Variants in OR4N2 observed in about 807,000 individuals in gnomAD.
OR4N2 encodes olfactory receptor family 4 subfamily N member 2, also known as olfactory receptor 4N2.
For missense variants in OR4N2, 307 were observed against 377.6 expected, an observed-to-expected ratio of 0.81 and a Z score of 1.55; for synonymous variants, 141 against 140.4, an observed-to-expected ratio of 1.00 and a Z score of -0.03.
intron 1 of OR4N2, among the ~76,000 whole-genome samples, chr14:19,812,108 C>A (rs1254231558): frequency 1.3e-5 from 2 of 152,124 alleles, no homozygotes; most frequent in Non-Finnish European, 2.9e-5. Context: ...CATTTAAAAA[C>A]CAAATCTTGG....
intron 1 of OR4N2, among the ~76,000 whole-genome samples, chr14:19,816,448 C>A (rs1356161078): frequency 2.0e-5 from 3 of 152,256 alleles, no homozygotes; most frequent in South Asian, 2.1e-4. Context: ...GTATTTTATT[C>A]TCTTTGTAGC....
intron 1 of OR4N2, among the ~76,000 whole-genome samples, chr14:19,826,321 T>C (rs1879698131): frequency 6.6e-6 from 1 of 152,254 alleles, no homozygotes; most frequent in African/African-American, 2.4e-5. Context: ...GGAGTGATTT[T>C]AGACTAACAA....
chr14:19,814,324 AC>A (rs1879374163), intron 1 of OR4N2, among the ~76,000 whole-genome samples: 1 of 152,202 alleles, frequency 6.6e-6, no homozygotes. Context: ...GTAGGAGGTC[AC>A]CTTCCCTTTA....
chr14:19,823,513 T>C (rs1400975283), intron 1 of OR4N2, among the ~76,000 whole-genome samples: 1 of 152,256 alleles, frequency 6.6e-6, no homozygotes, highest in African/African-American at 2.4e-5. Context: ...TCACTCTTGT[T>C]GGGAAAGAAA....
chr14:19,827,327 A>G (rs4570753), intron 1 of OR4N2, 113 bp from the exon 2 acceptor site: 219,619 of 831,992 alleles, frequency 0.26, 12,480 homozygotes, highest in African/African-American at 0.39. Flanking sequence ...GGGATGGGAA[A>G]TGTTGTTTTT....
chr14:19,826,223 C>G (rs1390488880), intron 1 of OR4N2, among the ~76,000 whole-genome samples: 1 of 152,220 alleles, frequency 6.6e-6, no homozygotes, highest in Non-Finnish European at 1.5e-5. Context: ...TGAAAACAAT[C>G]TGAATTTTAA....
intron 1 of OR4N2, among the ~76,000 whole-genome samples, chr14:19,824,622 CT>C (rs1566468188): frequency 6.6e-6 from 1 of 152,234 alleles, no homozygotes; most frequent in Non-Finnish European, 1.5e-5. Flanking sequence ...TCTGCCACCC[CT>C]GACACAGAAA....
chr14:19,827,183 A>G (rs1257686085), intron 1 of OR4N2, among the ~76,000 whole-genome samples: 2 of 152,250 alleles, frequency 1.3e-5, no homozygotes, highest in Non-Finnish European at 2.9e-5. Flanking sequence ...CAGACCCCTA[A>G]CATGGAAAAT....
intron 1 of OR4N2, among the ~76,000 whole-genome samples, 151 bp downstream of exon 1, chr14:19,803,995 T>C (rs1415523260): frequency 9.2e-5 from 14 of 152,224 alleles, no homozygotes; most frequent in African/African-American, 3.4e-4. Flanking sequence ...TTGTTCATAG[T>C]AGTCTCTGAG....
rs1879788825 is a variant in OR4N2 at position 19,828,563 on chromosome 14, G to C, written c.*191G>C. ...CAAGAGATACAACCTAGTAAAAATA[G>C]ACCACCATTAAGGTAGAAAATAAAC... On this transcript the variant is annotated 3_prime_UTR_variant, in exon 2 of 2. Coordinates refer to ENST00000557677, the MANE Select transcript of OR4N2 (RefSeq NM_001004723.3). The C allele has an allele frequency of 8.2e-6, 5 of 608,894 alleles. No homozygotes were observed. Among genetic ancestry groups the C allele is most frequent in the Non-Finnish European group, 2.8e-6 (1 of 359,274 alleles). 37.7% of individuals were successfully genotyped at this position (608,894 alleles called of 1,614,324 possible). A position where few individuals can be genotyped will look rare whatever the true frequency, so the allele number is the denominator to read the frequency against.
rs1278350454 is a variant in OR4N2, at chr14:19,829,848, G to C, written c.*1476G>C. 6.6e-6 allele frequency: 1 copy of C among 152,216 alleles called. No homozygotes were observed. Among genetic ancestry groups the C allele is most frequent in the Non-Finnish European group, 1.5e-5 (1 of 68,046 alleles). 9.4% of individuals were successfully genotyped at this position (152,216 alleles called of 1,614,324 possible). ...ATTTTGTACATGGTAAAAATATTCAGACTATAGAAAAAGTGGTCTGAATCT... is the reference window on the plus strand; with the variant it reads ...ATTTTGTACATGGTAAAAATATTCACACTATAGAAAAAGTGGTCTGAATCT... On this transcript the variant is annotated 3_prime_UTR_variant, in exon 2 of 2. Coordinates refer to ENST00000557677, the MANE Select transcript of OR4N2 (RefSeq NM_001004723.3).
intron 1 of OR4N2, among the ~76,000 whole-genome samples, chr14:19,808,471 TC>T (rs1364345815): frequency 2.0e-5 from 3 of 152,120 alleles, no homozygotes; most frequent in Non-Finnish European, 2.9e-5. Flanking sequence ...AAGGACACAA[TC>T]CCATTTACAA....
chr14:19,820,448 T>G (rs1336245604), intron 1 of OR4N2, among the ~76,000 whole-genome samples: 1 of 152,174 alleles, frequency 6.6e-6, no homozygotes, highest in African/African-American at 2.4e-5. Flanking sequence ...CTCTAAACAC[T>G]GCATTAGCTG....
Position 19,823,091 on chromosome 14 carries a change from C to A in OR4N2, c.-9-4349C>A, listed in dbSNP as rs544700403. 2.6e-5 allele frequency among the ~76,000 whole-genome samples: 4 copies of A among 152,390 alleles called. No homozygotes were observed. The East Asian group carries it at 7.7e-4, about 29-fold the overall frequency. On this transcript the variant is annotated intron_variant, in intron 1 of 1. Transcript: ENST00000557677. ...ACATTTGTTTAGTGCTTTATATACT[C>A]ATCAGCAGCATCAGCATAAATTAAA...
chr14:19,808,419 G>A (rs557004581), intron 1 of OR4N2, among the ~76,000 whole-genome samples: 2 of 152,296 alleles, frequency 1.3e-5, no homozygotes, highest in South Asian at 2.1e-4. Flanking sequence ...AAAATCAGTA[G>A]CATTTCCATA....
chr14:19,805,843 C>A (rs527850391), intron 1 of OR4N2, among the ~76,000 whole-genome samples: 1 of 152,088 alleles, frequency 6.6e-6, no homozygotes. Context: ...AGGTTATGTA[C>A]GAAGGGAACC....
At chr14:19,806,521 T>A (rs1879169642) in intron 1 of OR4N2, among the ~76,000 whole-genome samples, 2 of 151,936 alleles carry the variant, frequency 1.3e-5, no homozygotes, top group Non-Finnish European at 2.9e-5. Flanking sequence ...ACAAGAAGAC[T>A]TTATCCTAAA....
chr14:19,827,570 G>T lies in OR4N2; in HGVS notation c.122G>T (p.Gly41Val). 2 of 1,614,168 alleles carry T rather than the reference G, an allele frequency of 1.2e-6. No homozygotes were observed. The highest frequency in any genetic ancestry group is 8.5e-7 in the Non-Finnish European group (1 of 1,180,024). Residue 41 changes from glycine to valine, a missense_variant, in exon 2 of 2, where the codon GGA becomes GTA. Gly to Val is a moderately radical substitution (Grantham distance 109). Coordinates refer to ENST00000557677, the MANE Select transcript of OR4N2 (RefSeq NM_001004723.3). ...ATATTCTACTTCATCATCCTCCCTG[G>T]AAATTTTCTCATTATTTTCACCATA... ...VLIFYFIILP[G>V]NFLIIFTIKS... is the part of the protein sequence containing the mutation.
chr14:19,820,060 CT>C (rs1879525940), intron 1 of OR4N2, among the ~76,000 whole-genome samples: 1 of 152,274 alleles, frequency 6.6e-6, no homozygotes, highest in African/African-American at 2.4e-5. Context: ...CTTCTGGAAG[CT>C]TTGTCCCAGA....
Sources: allele counts gnomAD v4.1 joint callset (sites outside exome capture counted in the v4.1 genomes callset), GRCh38; gene constraint gnomAD v4.1.1; transcripts MANE v1.5; gene names NCBI Gene and HGNC (gene_info 2026-07-23, HGNC 2026-07-21).